Variants in ATXN1 observed in about 807,000 individuals in gnomAD.
ATXN1 encodes the protein ataxin 1.
A neutral mutation model predicts 56.4 loss-of-function variants in ATXN1; 8 were observed. The ratio of observed to expected loss-of-function variants is 0.14; its 90% CI spans 0.08 to 0.26. The LOEUF is 0.26. Ranked by LOEUF, ATXN1 falls within the 10% of genes least tolerant of loss-of-function variation. ATXN1 has a pLI of 1.00. For synonymous variants in ATXN1, 514 were observed against 494.6 expected, an observed-to-expected ratio of 1.04 and a Z score of -0.52; for missense variants, 987 against 1,106.5, an observed-to-expected ratio of 0.89 and a Z score of 1.53.
chr6:16,306,540 A>G lies in ATXN1; in HGVS notation c.2237T>C (p.Phe746Ser), dbSNP rs762681068. The change falls in exon 8 of 8, where the codon TTT becomes TCT. Residue 746 changes from phenylalanine (F) to serine (S), a missense_variant. By Grantham distance (155) the Phe-to-Ser change is radical. Transcript: ENST00000436367. The surrounding 1 kb of genome is among the most constrained non-coding windows in gnomAD (Gnocchi z 5.2). ...QMLSENGELK[F>S]PEKMGLPAAP... Reference sequence around the variant, plus strand: ...TGCAGGCAATCCCATTTTCTCTGGAAACTTCAGTTCGCCATTCTCAGAGAG... The same window carrying G: ...TGCAGGCAATCCCATTTTCTCTGGAGACTTCAGTTCGCCATTCTCAGAGAG... 1.2e-6 allele frequency: 2 copies of G among 1,614,120 alleles called. No individual in the cohort carries two copies. The highest frequency in any genetic ancestry group is 1.7e-6 in the Non-Finnish European group (2 of 1,180,024).
intron 6 of ATXN1, among the ~76,000 whole-genome samples, chr6:16,469,513 G>A (rs549898880): frequency 6.6e-6 from 1 of 152,280 alleles, no homozygotes; most frequent in Admixed American, 6.5e-5. Context: ...ACTACTATTA[G>A]TAGCATTTCA....
intron 6 of ATXN1, among the ~76,000 whole-genome samples, chr6:16,480,462 A>T (rs924158792): frequency 2.6e-5 from 4 of 151,458 alleles, no homozygotes; most frequent in Non-Finnish European, 5.9e-5. Flanking sequence ...AGCGCTGACA[A>T]CTCTTACCCA....
intron 6 of ATXN1, among the ~76,000 whole-genome samples, chr6:16,456,873 G>A (rs970616272): frequency 2.0e-5 from 3 of 152,110 alleles, no homozygotes; most frequent in African/African-American, 7.2e-5. Flanking sequence ...CCCTGTTGTG[G>A]GGGACTATCT....
chr6:16,469,932 C>A (rs1179936477), intron 6 of ATXN1, among the ~76,000 whole-genome samples: 1 of 149,342 alleles, frequency 6.7e-6, no homozygotes, highest in Non-Finnish European at 1.5e-5. Flanking sequence ...TGCACTCCAG[C>A]CTGGGCAACA....
intron 6 of ATXN1, among the ~76,000 whole-genome samples, chr6:16,362,259 C>T (rs1413328664): frequency 1.2e-4 from 18 of 152,152 alleles, no homozygotes; most frequent in African/African-American, 4.3e-4. Flanking sequence ...GCTTTGGAGA[C>T]CAGGCTCTGA....
chr6:16,405,680 G>T (rs975676928), intron 6 of ATXN1, among the ~76,000 whole-genome samples: 2 of 152,200 alleles, frequency 1.3e-5, no homozygotes, highest in African/African-American at 4.8e-5. Context: ...GCTGTGGTTG[G>T]CTGGAGGAGT....
chr6:16,704,273 TG>T (rs1759357881), intron 2 of ATXN1, among the ~76,000 whole-genome samples: 1 of 152,180 alleles, frequency 6.6e-6, no homozygotes, highest in Admixed American at 6.5e-5. Flanking sequence ...GCAAGAGCAA[TG>T]GCTTATTTGC....
chr6:16,582,737 G>T (rs950124296), intron 4 of ATXN1, among the ~76,000 whole-genome samples: 4 of 152,120 alleles, frequency 2.6e-5, no homozygotes. Context: ...ATTTATTCTG[G>T]TAAGCCCTTG....
intron 6 of ATXN1, among the ~76,000 whole-genome samples, chr6:16,431,233 A>T (rs1347054068): frequency 6.6e-6 from 1 of 152,200 alleles, no homozygotes; most frequent in African/African-American, 2.4e-5. Context: ...GGCTGAAATT[A>T]TCAGGGAGGA....
chr6:16,669,678 T>C (rs1758499834), intron 2 of ATXN1, among the ~76,000 whole-genome samples: 2 of 151,042 alleles, frequency 1.3e-5, no homozygotes, highest in Non-Finnish European at 3.0e-5. Flanking sequence ...TTTTTTTTTT[T>C]TTTTTTTTTT....
intron 5 of ATXN1, among the ~76,000 whole-genome samples, chr6:16,510,896 G>C (rs1295133372): frequency 2.0e-5 from 3 of 152,182 alleles, no homozygotes; most frequent in Admixed American, 6.5e-5. Flanking sequence ...GTCTATTTAA[G>C]GGTGGGAAGT....
rs1271984814 is a variant in ATXN1, at chr6:16,303,725, T to C, written c.*2604A>G. ...GGTTTAGTGGATCCAGTCAATTCAA[T>C]ACTCGAAGTAAGCCAAAAGGTGGTG... On this transcript the variant is annotated 3_prime_UTR_variant, in exon 8 of 8. Coordinates refer to ENST00000436367, the MANE Select transcript of ATXN1 (RefSeq NM_001128164.2). This position sits in a 1 kb window ranked among gnomAD's most constrained non-coding sequence, Gnocchi z 4.3. The C allele has an allele frequency of 2.0e-5, 3 of 152,664 alleles. No homozygotes were observed. The highest frequency in any genetic ancestry group is 2.9e-5 in the Non-Finnish European group (2 of 68,040). 9.5% of individuals were successfully genotyped at this position (152,664 alleles called of 1,614,324 possible). A position where few individuals can be genotyped will look rare whatever the true frequency, so the allele number is the denominator to read the frequency against.
intron 2 of ATXN1, among the ~76,000 whole-genome samples, chr6:16,748,394 G>A (rs762315218): frequency 2.6e-5 from 4 of 152,080 alleles, no homozygotes; most frequent in Non-Finnish European, 5.9e-5. Context: ...TTATGCACTC[G>A]ACTGTAAGCT....
chr6:16,544,246 C>A (rs1049934460), intron 4 of ATXN1, among the ~76,000 whole-genome samples: 1 of 152,212 alleles, frequency 6.6e-6, no homozygotes, highest in Non-Finnish European at 1.5e-5. Flanking sequence ...AATGTGACAA[C>A]GGCCTTCCTT....
Position 16,350,080 on chromosome 6 carries a change from T to A in ATXN1, c.-160-21610A>T, listed in dbSNP as rs546366659. On this transcript the variant is annotated intron_variant, in intron 6 of 7. Coordinates refer to ENST00000436367, the MANE Select transcript of ATXN1 (RefSeq NM_001128164.2). ...CTAATTCCCAATGAAAGATAAATAA[T>A]GCTGCTGTAGGCACCAATGACTGTA... Among the ~76,000 whole-genome samples, 128 of 152,340 alleles carry A rather than the reference T, an allele frequency of 8.4e-4. 1 individual carries two copies. The highest frequency in any genetic ancestry group is 2.9e-3 in the African/African-American group (122 of 41,586).
rs1167731131 is a variant in ATXN1 at position 16,500,738 on chromosome 6, T to TAAA, written c.-298-14632_-298-14630dup. 3.3e-3 allele frequency among the ~76,000 whole-genome samples: 276 copies of TAAA among 83,286 alleles called. 1 individual carries two copies. The highest frequency in any genetic ancestry group is 4.9e-3 in the African/African-American group (117 of 23,704). 54.6% of individuals were successfully genotyped at this position (83,286 alleles called of 152,430 possible). ...AGGTCATGAAATATCTTCATTATGATAAAAAAAAAAAAAAAAAAAAAACAT... is the reference window on the plus strand; with the variant it reads ...AGGTCATGAAATATCTTCATTATGATAAAAAAAAAAAAAAAAAAAAAAAAACAT... On this transcript the variant is annotated intron_variant, in intron 5 of 7. Coordinates refer to ENST00000436367, the MANE Select transcript of ATXN1 (RefSeq NM_001128164.2).
intron 3 of ATXN1, among the ~76,000 whole-genome samples, chr6:16,619,105 T>C (rs533967908): frequency 4.4e-4 from 67 of 152,200 alleles, no homozygotes; most frequent in African/African-American, 1.5e-3. Flanking sequence ...ACTTATCAAA[T>C]TGGCAGAGTT....
intron 2 of ATXN1, among the ~76,000 whole-genome samples, chr6:16,707,146 A>T (rs937083915): frequency 2.6e-5 from 4 of 152,130 alleles, no homozygotes; most frequent in Admixed American, 2.6e-4. Context: ...AGCACTTGAG[A>T]CAGAAATGTG....
At chr6:16,526,797 G>T (rs1361364137) in intron 4 of ATXN1, among the ~76,000 whole-genome samples, 1 of 151,330 alleles carries the variant, frequency 6.6e-6, no homozygotes, top group African/African-American at 2.4e-5. Context: ...TTCAGTGGGT[G>T]TTCAACATAT....
Sources: gnomAD v4.1 joint callset for allele counts (sites outside exome capture counted in the v4.1 genomes callset) on GRCh38, gnomAD v4.1.1 for gene constraint, Gnocchi (gnomAD v3.1) non-coding constraint, MANE v1.5 for transcripts, NCBI Gene and HGNC (gene_info 2026-07-23, HGNC 2026-07-21) for gene names.